Variants in CDH12 observed in about 807,000 individuals in gnomAD.
CDH12 encodes cadherin 12, also known as cadherin-12.
Under a neutral mutation model 74.1 loss-of-function variants are expected in CDH12, and 41 were observed. The ratio of observed to expected loss-of-function variants is 0.55; its 90% confidence interval spans 0.43 to 0.72. The LOEUF (loss-of-function observed/expected upper bound fraction) is 0.72, where lower values mean the gene tolerates loss of function less well. CDH12 is among the 30% of genes least tolerant of loss of function. The pLI is 0.00. For missense variants in CDH12, 945 were observed against 977.2 expected (o/e 0.97, Z 0.44); for synonymous variants, 399 against 355.0 (o/e 1.12, Z -1.39).
At chr5:22,670,887 TA>T (rs1390944540) in intron 1 of CDH12, among the ~76,000 whole-genome samples, 4 of 152,038 alleles carry the variant, frequency 2.6e-5, no homozygotes, top group African/African-American at 9.7e-5. Context: ...TAGCAGGTTT[TA>T]TTTTTTTTCT....
At chr5:22,112,437 C>T (rs1177108265) in intron 4 of CDH12, among the ~76,000 whole-genome samples, 6 of 152,118 alleles carry the variant, frequency 3.9e-5, no homozygotes, top group Non-Finnish European at 8.8e-5. Context: ...AACAAGCCCA[C>T]TTTTGATTAT....
intron 3 of CDH12, among the ~76,000 whole-genome samples, chr5:22,248,061 C>T (rs149792926): frequency 4.9e-4 from 75 of 152,218 alleles, no homozygotes; most frequent in Admixed American, 1.5e-3. Flanking sequence ...CTTTGGGAGG[C>T]CGAGGTTTGT....
At chr5:21,766,655 A>G (rs770246296) in intron 11 of CDH12, among the ~76,000 whole-genome samples, 38 of 151,916 alleles carry the variant, frequency 2.5e-4, no homozygotes, top group Admixed American at 4.6e-4. Context: ...TGTTTCTGTT[A>G]TTGCTATCCA....
chr5:22,531,923 A>G (rs1222648469), intron 1 of CDH12, among the ~76,000 whole-genome samples: 1 of 152,094 alleles, frequency 6.6e-6, no homozygotes, highest in East Asian at 1.9e-4. Context: ...GGAGACTGCA[A>G]CGGAGAGTCT....
intron 1 of CDH12, among the ~76,000 whole-genome samples, chr5:22,839,415 A>G (rs2126518710): frequency 1.3e-5 from 2 of 148,786 alleles, no homozygotes; most frequent in East Asian, 2.0e-4. Flanking sequence ...CTGGAGTGCA[A>G]TGGTGCTATC....
intron 1 of CDH12, among the ~76,000 whole-genome samples, chr5:22,695,557 T>C (rs1185179432): frequency 6.6e-6 from 1 of 152,328 alleles, no homozygotes; most frequent in East Asian, 1.9e-4. Context: ...GAAAACCGGC[T>C]AGCATATGCA....
At chr5:22,354,330 C>A (rs921764350) in intron 3 of CDH12, among the ~76,000 whole-genome samples, 2 of 152,180 alleles carry the variant, frequency 1.3e-5, no homozygotes, top group Admixed American at 6.5e-5. Flanking sequence ...CCTGACAAAA[C>A]CACCCCCAAC....
At chr5:22,017,480 TGTATA>T (rs1033899752) in intron 5 of CDH12, among the ~76,000 whole-genome samples, 22 of 152,148 alleles carry the variant, frequency 1.4e-4, no homozygotes, top group Admixed American at 2.0e-4. Flanking sequence ...TGCTCCCTTA[TGTATA>T]TCAGATGAAT....
chr5:21,828,402 G>A (rs959765449), intron 8 of CDH12, among the ~76,000 whole-genome samples: 2 of 152,114 alleles, frequency 1.3e-5, no homozygotes, highest in African/African-American at 2.4e-5. Context: ...GATTACAGGC[G>A]TGAGCCACTG....
chr5:22,563,889 C>A (rs1374787811), intron 1 of CDH12, among the ~76,000 whole-genome samples: 1 of 152,108 alleles, frequency 6.6e-6, no homozygotes, highest in African/African-American at 2.4e-5. Context: ...GAGACCCATT[C>A]ACTAGAGTAC....
At chr5:22,826,601 A>AT (rs1736340057) in intron 1 of CDH12, among the ~76,000 whole-genome samples, 2 of 152,154 alleles carry the variant, frequency 1.3e-5, no homozygotes, top group East Asian at 3.9e-4. Context: ...ACAAATGCTG[A>AT]TAGTGATGTG....
chr5:22,848,322 C>T (rs1248388062), intron 1 of CDH12, among the ~76,000 whole-genome samples: 1 of 152,128 alleles, frequency 6.6e-6, no homozygotes, highest in Middle Eastern at 3.2e-3. Flanking sequence ...CTTAATCAAT[C>T]AATTACTGAT....
At chr5:21,787,333 T>A (rs951459908) in intron 10 of CDH12, among the ~76,000 whole-genome samples, 5 of 152,146 alleles carry the variant, frequency 3.3e-5, no homozygotes, top group African/African-American at 1.2e-4. Context: ...TCAGTAGCCA[T>A]CCAGTTCAAG....
At chr5:22,696,298 G>T (rs2126951370) in intron 1 of CDH12, among the ~76,000 whole-genome samples, 1 of 148,902 alleles carries the variant, frequency 6.7e-6, no homozygotes, top group East Asian at 2.0e-4. Flanking sequence ...GTGAACCTGG[G>T]AGGCGGAGCT....
At chr5:22,488,193 C>T (rs1177648885) in intron 2 of CDH12, among the ~76,000 whole-genome samples, 1 of 152,212 alleles carries the variant, frequency 6.6e-6, no homozygotes, top group East Asian at 1.9e-4. Context: ...CAAACAAAAT[C>T]TGCCAATATT....
At chr5:22,587,083 G>C (rs372318841) in intron 1 of CDH12, among the ~76,000 whole-genome samples, 1 of 151,960 alleles carries the variant, frequency 6.6e-6, no homozygotes, top group Non-Finnish European at 1.5e-5. Context: ...CGATCTGCCC[G>C]TCTTGGCCTC....
chr5:21,860,687 G>A (rs902860222), intron 6 of CDH12, among the ~76,000 whole-genome samples: 1 of 152,012 alleles, frequency 6.6e-6, no homozygotes, highest in Non-Finnish European at 1.5e-5. Flanking sequence ...TCCGTCTCCT[G>A]TGCTAGATGC....
chr5:22,182,235 T>A (rs1749688674), intron 4 of CDH12, among the ~76,000 whole-genome samples: 1 of 152,078 alleles, frequency 6.6e-6, no homozygotes, highest in Non-Finnish European at 1.5e-5. Flanking sequence ...GTTTCCCTTG[T>A]TTAGATTCCT....
chr5:21,935,834 G>A (rs1382146240), intron 6 of CDH12, among the ~76,000 whole-genome samples: 3 of 152,146 alleles, frequency 2.0e-5, no homozygotes, highest in Non-Finnish European at 4.4e-5. Flanking sequence ...AAATAAGTGA[G>A]AGCATCCGAA....
Sources: gnomAD v4.1 joint callset for allele counts (sites outside exome capture counted in the v4.1 genomes callset) on GRCh38, gnomAD v4.1.1 for gene constraint, MANE v1.5 for transcripts, NCBI Gene and HGNC (gene_info 2026-07-23, HGNC 2026-07-21) for gene names.